The following ERBB4 variants were observed in gnomAD, a reference collection of about 807,000 sequenced individuals.
ERBB4 encodes the protein erb-b2 receptor tyrosine kinase 4.
Under a neutral mutation model 158.0 loss-of-function variants are expected in ERBB4, and 42 were observed. That is an observed-to-expected ratio of 0.27 (90% confidence interval 0.21 to 0.34). The LOEUF is 0.34. Among genes scored for constraint, ERBB4 ranks in the 10% least tolerant of loss-of-function variants. The probability of loss-of-function intolerance (pLI) is 1.00; values close to 1 mark genes in which losing one functional copy is unlikely to be tolerated. For missense variants in ERBB4, 1,333 were observed against 1,624.1 expected (o/e 0.82, Z 3.08); for synonymous variants, 583 against 558.7 (o/e 1.04, Z -0.61).
intron 1 of ERBB4, among the ~76,000 whole-genome samples, chr2:212,408,076 A>G (rs889626896): frequency 1.7e-4 from 26 of 152,004 alleles, no homozygotes; most frequent in East Asian, 9.6e-4. Flanking sequence ...TTTTATTTTT[A>G]TTTATTTTTA....
chr2:211,835,354 G>T (rs1049478592), intron 3 of ERBB4, among the ~76,000 whole-genome samples: 20 of 94,802 alleles, frequency 2.1e-4, no homozygotes, highest in Non-Finnish European at 2.2e-4. Flanking sequence ...CCTCCAGTAT[G>T]AGTTAGCCAC....
chr2:211,527,377 T>C (rs1249435062), intron 20 of ERBB4, among the ~76,000 whole-genome samples: 3 of 151,892 alleles, frequency 2.0e-5, no homozygotes, highest in African/African-American at 7.2e-5. Context: ...GAAGGAGAAA[T>C]AGAAATTTTG....
chr2:211,390,052 G>A (rs1470292438), intron 25 of ERBB4, among the ~76,000 whole-genome samples: 1 of 152,142 alleles, frequency 6.6e-6, no homozygotes, highest in Non-Finnish European at 1.5e-5. Flanking sequence ...AAAATTTGAG[G>A]AAAGTATTTT....
At chr2:211,678,855 T>A (rs2072212796) in intron 13 of ERBB4, among the ~76,000 whole-genome samples, 197 bp downstream of exon 13, 1 of 149,208 alleles carries the variant, frequency 6.7e-6, no homozygotes, top group African/African-American at 2.5e-5. Flanking sequence ...TAATCCCAGC[T>A]ACTTGGGAGG....
At chr2:212,188,221 T>TCG (rs2082076906) in intron 1 of ERBB4, among the ~76,000 whole-genome samples, 4 of 33,208 alleles carry the variant, frequency 1.2e-4, no homozygotes, top group Admixed American at 3.9e-4. Flanking sequence ...TCTCTCTCTC[T>TCG]CTCTCTCTCT....
chr2:211,411,650 G>C (rs868228329), intron 25 of ERBB4, among the ~76,000 whole-genome samples: 1 of 152,194 alleles, frequency 6.6e-6, no homozygotes, highest in Non-Finnish European at 1.5e-5. Flanking sequence ...TTGGAGAAGA[G>C]TGGAAAATAA....
intron 4 of ERBB4, among the ~76,000 whole-genome samples, chr2:211,755,460 C>T (rs964684144): frequency 3.3e-5 from 5 of 152,066 alleles, no homozygotes; most frequent in Non-Finnish European, 7.4e-5. Flanking sequence ...CATGATTGCT[C>T]CACTGCACTC....
intron 1 of ERBB4, among the ~76,000 whole-genome samples, chr2:212,458,477 A>T (rs1331190236): frequency 6.6e-6 from 1 of 152,144 alleles, no homozygotes; most frequent in Non-Finnish European, 1.5e-5. Flanking sequence ...TAAGGAATGA[A>T]TCAGGCATAT....
chr2:212,254,714 C>G (rs1254237466), intron 1 of ERBB4, among the ~76,000 whole-genome samples: 1 of 152,098 alleles, frequency 6.6e-6, no homozygotes, highest in African/African-American at 2.4e-5. Flanking sequence ...TCACAAAGCA[C>G]TAAGATCTCT....
At chr2:211,754,230 A>G (rs1249575389) in intron 4 of ERBB4, among the ~76,000 whole-genome samples, 1 of 141,136 alleles carries the variant, frequency 7.1e-6, no homozygotes, top group African/African-American at 2.6e-5. Flanking sequence ...AGTTTTATAA[A>G]CTACTTCTCC....
At chr2:212,437,140 C>T (rs1020830503) in intron 1 of ERBB4, among the ~76,000 whole-genome samples, 1 of 152,012 alleles carries the variant, frequency 6.6e-6, no homozygotes, top group Non-Finnish European at 1.5e-5. Context: ...TAAAAGAACA[C>T]TTGCATTGTG....
intron 3 of ERBB4, among the ~76,000 whole-genome samples, chr2:211,911,696 T>C (rs1299064816): frequency 6.6e-6 from 1 of 152,116 alleles, no homozygotes; most frequent in Non-Finnish European, 1.5e-5. Flanking sequence ...GACCTAAATA[T>C]GGAATCTAAA....
intron 20 of ERBB4, among the ~76,000 whole-genome samples, chr2:211,475,418 T>A (rs1397018914): frequency 6.6e-6 from 1 of 152,066 alleles, no homozygotes; most frequent in East Asian, 1.9e-4. Context: ...TATAAAGGTA[T>A]CTAACACAGT....
At chr2:212,196,362 T>C (rs2082426902) in intron 1 of ERBB4, among the ~76,000 whole-genome samples, 1 of 152,056 alleles carries the variant, frequency 6.6e-6, no homozygotes, top group Non-Finnish European at 1.5e-5. Context: ...ATAATGAGTA[T>C]GCTAAGGAGG....
chr2:211,702,703 T>C (rs1340637039), intron 11 of ERBB4, among the ~76,000 whole-genome samples: 1 of 152,044 alleles, frequency 6.6e-6, no homozygotes, highest in Non-Finnish European at 1.5e-5. Context: ...GATAGTAAAA[T>C]GTAAAGAATC....
chr2:211,835,934 A>C (rs2077331456), intron 3 of ERBB4, among the ~76,000 whole-genome samples: 1 of 152,066 alleles, frequency 6.6e-6, no homozygotes, highest in South Asian at 2.1e-4. Flanking sequence ...GGTTGAATAA[A>C]GGAGCTTCCT....
At chr2:212,285,702 AGAG>A (rs1389732848) in intron 1 of ERBB4, among the ~76,000 whole-genome samples, 2 of 152,230 alleles carry the variant, frequency 1.3e-5, no homozygotes, top group African/African-American at 4.8e-5. Flanking sequence ...CAATATTTTA[AGAG>A]GAGGAAAAAT....
intron 20 of ERBB4, among the ~76,000 whole-genome samples, chr2:211,486,212 C>G (rs1243359719): frequency 1.3e-5 from 2 of 152,072 alleles, no homozygotes; most frequent in Admixed American, 6.6e-5. Flanking sequence ...ACCTTGCTTT[C>G]CTTTTCTTTT....
In ERBB4 at chr2:211,679,203, A is replaced by G; in HGVS notation, c.1490-19T>C. 7 of 1,612,368 alleles carry G rather than the reference A, an allele frequency of 4.3e-6. No homozygotes were observed. The highest frequency in any genetic ancestry group is 5.9e-6 in the Non-Finnish European group (7 of 1,178,772). On this transcript the variant is annotated intron_variant, in intron 12 of 27. Transcript: ENST00000342788. ...TCAGCAGCTGTGAAACACCAAAATCAAGGGGAAATAAAACAGAGGATTGTG... is the reference window on the plus strand; with the variant it reads ...TCAGCAGCTGTGAAACACCAAAATCGAGGGGAAATAAAACAGAGGATTGTG...
Sources: gnomAD v4.1 joint callset for allele counts (sites outside exome capture counted in the v4.1 genomes callset) on GRCh38, gnomAD v4.1.1 for gene constraint, MANE v1.5 for transcripts, NCBI Gene and HGNC (gene_info 2026-07-23, HGNC 2026-07-21) for gene names.